KLHL32: variants seen among roughly 807,000 people sequenced by gnomAD.
KLHL32 encodes the protein kelch-like protein 32.
KLHL32 carries 35 observed loss-of-function variants against 64.8 expected under a neutral mutation model. That is an observed-to-expected ratio of 0.54 (90% CI 0.41 to 0.72). KLHL32 has a LOEUF of 0.72. Among genes scored for constraint, KLHL32 ranks in the 30% least tolerant of loss-of-function variants. The pLI is 0.00. For missense variants in KLHL32, 589 were observed against 768.5 expected, an observed-to-expected ratio of 0.77 and a Z score of 2.76; for synonymous variants, 259 against 281.0, an observed-to-expected ratio of 0.92 and a Z score of 0.78.
At chr6:97,026,335 G>C (rs1009975293) in intron 3 of KLHL32, among the ~76,000 whole-genome samples, 2 of 151,608 alleles carry the variant, frequency 1.3e-5, no homozygotes, top group Non-Finnish European at 2.9e-5. Context: ...TCATGTCACT[G>C]TACCCTAGCC....
chr6:97,076,389 G>A (rs1167635436), intron 5 of KLHL32, among the ~76,000 whole-genome samples: 1 of 152,204 alleles, frequency 6.6e-6, no homozygotes, highest in African/African-American at 2.4e-5. Flanking sequence ...CTATGTAGAA[G>A]GTACTTTATC....
intron 1 of KLHL32, among the ~76,000 whole-genome samples, chr6:96,948,834 T>C (rs1772225956): frequency 6.6e-6 from 1 of 152,126 alleles, no homozygotes; most frequent in Admixed American, 6.6e-5. Flanking sequence ...CCCAAGCCTA[T>C]TGACTGAGCC....
rs1776654336 is a variant in KLHL32, at chr6:96,983,788, T to A, written c.204+7611T>A. 2.0e-5 allele frequency among the ~76,000 whole-genome samples: 3 copies of A among 152,200 alleles called. No homozygotes were observed. In the South Asian group the frequency reaches 6.2e-4, roughly 31 times the overall value. On this transcript the variant is annotated intron_variant, in intron 3 of 10. Coordinates refer to ENST00000369261, the MANE Select transcript of KLHL32 (RefSeq NM_052904.4). ...TTCTTCTTTTCTTCTTTATTAGTCT[T>A]GCTAGCGGTCTATCAATTTTGTTGA...
At position 97,100,966 on chromosome 6, in the gene KLHL32, C is replaced by CTTTTTTTTTTTTT. The variant is rs58422496; in HGVS notation, c.628-12808_628-12796dup. Among the ~76,000 whole-genome samples, 124 of 69,474 alleles carry CTTTTTTTTTTTTT rather than the reference C, an allele frequency of 1.8e-3. 26 individuals carry two copies. The highest frequency in any genetic ancestry group is 7.2e-3 in the African/African-American group (102 of 14,100). 45.6% of individuals were successfully genotyped at this position (69,474 alleles called of 152,430 possible). ...ACAGGCATGTGCCACTGCAGCCAAG[C>CTTTTTTTTTTTTT]TTTTTTTTTTTTTTTTTTTTTGGTA... On this transcript the variant is annotated intron_variant, in intron 6 of 10. Coordinates refer to ENST00000369261, the MANE Select transcript of KLHL32 (RefSeq NM_052904.4).
chr6:97,018,337 G>A (rs1392565374), intron 3 of KLHL32, among the ~76,000 whole-genome samples: 7 of 151,896 alleles, frequency 4.6e-5, no homozygotes. Context: ...TATCAATTTG[G>A]CCAGGCACGG....
intron 4 of KLHL32, among the ~76,000 whole-genome samples, chr6:97,044,014 C>T (rs1178520107): frequency 6.6e-6 from 1 of 151,864 alleles, no homozygotes; most frequent in Admixed American, 6.6e-5. Flanking sequence ...CTGGCTAGAA[C>T]TTCCAGTACT....
intron 3 of KLHL32, among the ~76,000 whole-genome samples, chr6:96,980,107 A>C (rs1186944792): frequency 2.6e-5 from 4 of 152,210 alleles, no homozygotes; most frequent in Admixed American, 2.6e-4. Context: ...CATCATCTGC[A>C]AACAGGGATA....
At chr6:96,924,168 C>T, upstream of KLHL32, among the ~76,000 whole-genome samples, 1 of 152,150 alleles carries the variant, frequency 6.6e-6, no homozygotes, top group Non-Finnish European at 1.5e-5. Context: ...CTAAGGAGGG[C>T]CACTGTAGGG....
At chr6:96,907,147 A>T in the KLHL32 span, among the ~76,000 whole-genome samples, 1 of 152,214 alleles carries the variant, frequency 6.6e-6, no homozygotes, top group Non-Finnish European at 1.5e-5. Context: ...TTAGAAATCT[A>T]ATGGTAGTCT....
At chr6:96,988,652 C>T (rs1292043393) in intron 3 of KLHL32, among the ~76,000 whole-genome samples, 1 of 152,188 alleles carries the variant, frequency 6.6e-6, no homozygotes, top group Non-Finnish European at 1.5e-5. Flanking sequence ...GATACATGCA[C>T]ACGTATGTTT....
intron 1 of KLHL32, among the ~76,000 whole-genome samples, chr6:96,962,413 G>T (rs1773978307): frequency 6.6e-6 from 1 of 152,170 alleles, no homozygotes; most frequent in South Asian, 2.1e-4. Context: ...AATTTTTGCT[G>T]TGTTTCTGGG....
chr6:96,921,528 C>T (rs753941181), upstream of KLHL32, among the ~76,000 whole-genome samples: 2 of 152,130 alleles, frequency 1.3e-5, no homozygotes, highest in East Asian at 3.9e-4. Flanking sequence ...TTGGTTTTGG[C>T]ATAATTAATG....
At chr6:96,940,147 G>A (rs571710586) in intron 1 of KLHL32, among the ~76,000 whole-genome samples, 163 of 152,136 alleles carry the variant, frequency 1.1e-3, no homozygotes, top group Non-Finnish European at 1.4e-3. Flanking sequence ...ACAACTGTGT[G>A]ATTATGGCAA....
At chr6:97,133,703 T>C (rs1373128095) in intron 10 of KLHL32, among the ~76,000 whole-genome samples, 1 of 152,222 alleles carries the variant, frequency 6.6e-6, no homozygotes, top group Non-Finnish European at 1.5e-5. Flanking sequence ...TCTTCTTCTC[T>C]TGATTTGTCT....
chr6:96,990,262 T>G (rs371964519), intron 3 of KLHL32, among the ~76,000 whole-genome samples: 7 of 152,332 alleles, frequency 4.6e-5, no homozygotes, highest in African/African-American at 1.4e-4. Context: ...CAGTTGCCTC[T>G]TTTCTGGATG....
rs775097919 is a variant in KLHL32 at position 97,085,178 on chromosome 6, A to G, written c.464A>G (p.Asn155Ser). 2.5e-6 allele frequency: 4 copies of G among 1,613,888 alleles called. No homozygotes were observed. The South Asian group carries it at 4.4e-5, about 18-fold the overall frequency. The change falls in exon 6 of 11, where the codon AAC becomes AGC. Residue 155 changes from asparagine to serine, a missense_variant. By Grantham distance (46) the Asn-to-Ser change is conservative. Coordinates refer to ENST00000369261, the MANE Select transcript of KLHL32 (RefSeq NM_052904.4). Reference sequence around the variant, plus strand: ...CTGTACAGACTTGCTGACCTCTTTAACCTCACTTTGTTGGAGAAGGCAGTG... The same window carrying G: ...CTGTACAGACTTGCTGACCTCTTTAGCCTCACTTTGTTGGAGAAGGCAGTG... ...LDLYRLADLF[N>S]LTLLEKAVID...
In KLHL32 at chr6:97,114,546, C is replaced by G. The variant is rs770735719; in HGVS notation, c.1354+37C>G. 9 of 1,607,328 alleles carry G rather than the reference C, an allele frequency of 5.6e-6. No homozygotes were observed. In the South Asian group the frequency reaches 8.8e-5, roughly 16 times the overall value. ...CTCATGTTGGATTTATCAAAACACA[C>G]TTTCATTGTGGTATATATTTAAAAG... On this transcript the variant is annotated intron_variant, in intron 7 of 10. Coordinates refer to ENST00000369261, the MANE Select transcript of KLHL32 (RefSeq NM_052904.4).
In KLHL32 at chr6:97,044,263, C is replaced by A. The variant is rs551774803; in HGVS notation, c.312+2664C>A. Among the ~76,000 whole-genome samples, 10 of 152,122 alleles carry A rather than the reference C, an allele frequency of 6.6e-5. No homozygotes were observed. In the South Asian group the frequency reaches 1.7e-3, roughly 25 times the overall value. On this transcript the variant is annotated intron_variant, in intron 4 of 10. Transcript: ENST00000369261. Reference sequence around the variant, plus strand: ...ATTCAGATGATCGTATGGTTGTTATCTGTCATTCTGTTAATATGGTATATT... The same window carrying A: ...ATTCAGATGATCGTATGGTTGTTATATGTCATTCTGTTAATATGGTATATT...
intron 5 of KLHL32, among the ~76,000 whole-genome samples, chr6:97,066,666 A>T (rs1049544140): frequency 1.3e-5 from 2 of 152,234 alleles, no homozygotes; most frequent in African/African-American, 4.8e-5. Context: ...TATCAAAATC[A>T]TGTCGACGTA....
Sources: gnomAD v4.1 joint callset for allele counts (sites outside exome capture counted in the v4.1 genomes callset) on GRCh38, gnomAD v4.1.1 for gene constraint, MANE v1.5 for transcripts, NCBI Gene and HGNC (gene_info 2026-07-23, HGNC 2026-07-21) for gene names.